The following RASEF variants were observed in gnomAD, a reference collection of about 807,000 sequenced individuals.
RASEF encodes the protein ras and EF-hand domain-containing protein.
RASEF carries 68 observed loss-of-function variants against 90.1 expected under a neutral mutation model. The ratio of observed to expected loss-of-function variants is 0.75; its 90% CI spans 0.62 to 0.92. The LOEUF (loss-of-function observed/expected upper bound fraction) is 0.92. Among genes scored for constraint, RASEF ranks in the 40% least tolerant of loss-of-function variants. The pLI is 0.00. For synonymous variants in RASEF, 331 were observed against 345.2 expected, an observed-to-expected ratio of 0.96 and a Z score of 0.46; for missense variants, 949 against 937.2, an observed-to-expected ratio of 1.01 and a Z score of -0.16.
chr9:83,061,567 C>G (rs1314727943), intron 1 of RASEF, among the ~76,000 whole-genome samples: 2 of 152,118 alleles, frequency 1.3e-5, no homozygotes, highest in African/African-American at 4.8e-5. Context: ...AGACACCCAC[C>G]ACACCAAGGC....
chr9:83,075,305 C>A, the RASEF span, among the ~76,000 whole-genome samples: 3 of 152,130 alleles, frequency 2.0e-5, no homozygotes, highest in Non-Finnish European at 1.5e-5. Flanking sequence ...GGTTTCCAAT[C>A]AACTTTTTCT....
the RASEF span, among the ~76,000 whole-genome samples, chr9:83,127,606 C>T: frequency 2.7e-4 from 41 of 152,192 alleles, 1 homozygote; most frequent in East Asian, 5.8e-3. Flanking sequence ...AAAGAAATGG[C>T]GGGAACAAAA....
chr9:83,055,405 G>A (rs7033288), intron 1 of RASEF: 34,524 of 530,124 alleles, frequency 0.065, 1,435 homozygotes, highest in African/African-American at 0.079. Context: ...GCTTCGGCTC[G>A]CGCACGGTGC....
At chr9:83,025,428 A>G (rs1829526428) in intron 2 of RASEF, among the ~76,000 whole-genome samples, 1 of 152,232 alleles carries the variant, frequency 6.6e-6, no homozygotes, top group Non-Finnish European at 1.5e-5. Flanking sequence ...AGTCTCATAC[A>G]TGTAGGTAAC....
At chr9:83,020,730 A>G (rs543352005) in intron 3 of RASEF, among the ~76,000 whole-genome samples, 10 of 152,322 alleles carry the variant, frequency 6.6e-5, no homozygotes, top group African/African-American at 2.4e-4. Context: ...GGCCATGGTA[A>G]TATCCCCATT....
the RASEF span, among the ~76,000 whole-genome samples, chr9:83,186,660 A>C: frequency 6.6e-6 from 1 of 152,050 alleles, no homozygotes. Flanking sequence ...CAATAGACTC[A>C]CACACAAAAA....
At chr9:83,004,737 A>T in intron 8 of RASEF, 151 bp from the exon 9 acceptor site, 2 of 588,102 alleles carry the variant, frequency 3.4e-6, no homozygotes, top group Non-Finnish European at 3.0e-6. Context: ...TACCTGAGCA[A>T]ATGTGAGCAA....
the RASEF span, chr9:83,202,071 C>A: frequency 2.6e-5 from 4 of 156,352 alleles, no homozygotes; most frequent in African/African-American, 7.2e-5. Context: ...CATGAGGGCT[C>A]CCCATGTGCT....
At chr9:83,132,371 T>C in the RASEF span, among the ~76,000 whole-genome samples, 82,139 of 151,328 alleles carry the variant, frequency 0.54, 22,791 homozygotes, top group East Asian at 0.79. Context: ...TCTCCAGTGG[T>C]TTTTGCCACT....
chr9:83,179,267 G>A, the RASEF span, among the ~76,000 whole-genome samples: 1 of 152,022 alleles, frequency 6.6e-6, no homozygotes, highest in African/African-American at 2.4e-5. Context: ...CACAGCATTA[G>A]TACACCTACC....
At chr9:83,163,983 T>A in the RASEF span, among the ~76,000 whole-genome samples, 1 of 138,502 alleles carries the variant, frequency 7.2e-6, no homozygotes, top group Admixed American at 7.4e-5. Flanking sequence ...AGAAAACAAA[T>A]CTTACTTGAG....
the RASEF span, among the ~76,000 whole-genome samples, chr9:83,186,080 C>A: frequency 6.6e-6 from 1 of 152,120 alleles, no homozygotes; most frequent in Non-Finnish European, 1.5e-5. Flanking sequence ...CCTGAGCAAC[C>A]ATTTGCATAA....
At chr9:83,130,204 T>A in the RASEF span, among the ~76,000 whole-genome samples, 1 of 152,248 alleles carries the variant, frequency 6.6e-6, no homozygotes, top group Non-Finnish European at 1.5e-5. Context: ...GATAATCTCA[T>A]CTTTTAAAAT....
chr9:83,024,562 A>G (rs1414770142), intron 2 of RASEF, among the ~76,000 whole-genome samples: 1 of 152,134 alleles, frequency 6.6e-6, no homozygotes, highest in Non-Finnish European at 1.5e-5. Context: ...AGAATGCTCT[A>G]CAGACTCTGG....
the RASEF span, among the ~76,000 whole-genome samples, chr9:83,195,630 G>A: frequency 6.6e-6 from 1 of 152,086 alleles, no homozygotes; most frequent in Non-Finnish European, 1.5e-5. Flanking sequence ...CATACCAGCA[G>A]GGAATACAGA....
At chr9:82,998,491 A>T (rs375890063) in intron 12 of RASEF, 45 bp from the exon 13 acceptor site, 55 of 1,261,620 alleles carry the variant, frequency 4.4e-5, no homozygotes, top group Non-Finnish European at 6.0e-5. Context: ...AAATAATTCC[A>T]TTGGCTTTTT....
chr9:83,042,312 ATTTG>A (rs1166555406), intron 1 of RASEF, among the ~76,000 whole-genome samples: 1 of 152,204 alleles, frequency 6.6e-6, no homozygotes, highest in African/African-American at 2.4e-5. Context: ...AAGCAGTAGT[ATTTG>A]TTTATCTTGG....
intron 7 of RASEF, among the ~76,000 whole-genome samples, chr9:83,006,072 T>C (rs1276079854): frequency 6.6e-6 from 1 of 152,230 alleles, no homozygotes; most frequent in African/African-American, 2.4e-5. Flanking sequence ...CGCCCTCTTG[T>C]ACAGCAAAGC....
chr9:83,061,820 C>T (rs1356106588), intron 1 of RASEF, among the ~76,000 whole-genome samples: 1 of 152,340 alleles, frequency 6.6e-6, no homozygotes, highest in Non-Finnish European at 1.5e-5. Context: ...TTTAACTGGG[C>T]AAGTCCCTTA....
Sources: gnomAD v4.1 joint callset for allele counts (sites outside exome capture counted in the v4.1 genomes callset) on GRCh38, gnomAD v4.1.1 for gene constraint, MANE v1.5 for transcripts, NCBI Gene and HGNC (gene_info 2026-07-23, HGNC 2026-07-21) for gene names.